FSIP2: variants seen among roughly 807,000 people sequenced by gnomAD.
FSIP2 encodes fibrous sheath interacting protein 2, also known as fibrous sheath-interacting protein 2.
In FSIP2, 367 loss-of-function variants were observed where a neutral mutation model predicts 510.5. The observed-to-expected ratio is 0.72, with a 90% CI of 0.66 to 0.78. FSIP2 has a LOEUF of 0.78. Ranked by LOEUF, FSIP2 falls within the 30% of genes least tolerant of loss-of-function variation. The pLI is 0.00. For missense variants in FSIP2, 7,594 were observed against 7,901.7 expected (o/e 0.96, Z 1.48); for synonymous variants, 2,601 against 2,732.2 (o/e 0.95, Z 1.50).
Position 185,791,826 on chromosome 2 carries a change from T to A in FSIP2, c.4690T>A (p.Ser1564Thr), listed in dbSNP as rs1397792929. The change falls in exon 16 of 23, where the codon TCT (serine) becomes ACT (threonine). Residue 1564 changes from serine (S) to threonine (T), a missense_variant. Physicochemically the swap from Ser to Thr is moderately conservative, Grantham distance 58. Transcript: ENST00000424728. ...CAAGGCAAAACCTGTTGCTCCTGTG[T>A]CTTCCAAAACACCAAGCACAAAAGA... ...KSKAKPVAPV[S>T]SKTPSTKEMH... is the part of the protein sequence containing the mutation. 2 of 1,533,820 alleles carry A rather than the reference T, an allele frequency of 1.3e-6. No individual in the cohort carries two copies.
Position 185,793,389 on chromosome 2 carries a change from G to A in FSIP2, c.6253G>A (p.Val2085Ile), listed in dbSNP as rs932190705. The change falls in exon 16 of 23, where the codon GTA becomes ATA. Residue 2085 changes from valine (V) to isoleucine (I), a missense_variant. Val to Ile is a conservative substitution (Grantham distance 29). Coordinates refer to ENST00000424728, the MANE Select transcript of FSIP2 (RefSeq NM_173651.4). ...KLLNETKYRKVLQLQIQDTIE... is the reference protein window; with the variant it reads ...KLLNETKYRKILQLQIQDTIE... The stretch of plus-strand genomic sequence containing the variant: ...GCTCAATGAGACCAAATATCGAAAA[G>A]TACTTCAACTTCAAATACAAGATAC... 15 of 1,533,736 alleles carry A rather than the reference G, an allele frequency of 9.8e-6. No individual in the cohort carries two copies. The highest frequency in any genetic ancestry group is 1.4e-5 in the African/African-American group (1 of 72,816).
At position 185,813,852 on chromosome 2, in the gene FSIP2, T is replaced by A. The variant is rs1401509028; in HGVS notation, c.20135T>A (p.Phe6712Tyr). 4 of 1,613,528 alleles carry A rather than the reference T, an allele frequency of 2.5e-6. No individual in the cohort carries two copies. The highest frequency in any genetic ancestry group is 2.5e-6 in the Non-Finnish European group (3 of 1,179,790). Residue 6712 changes from phenylalanine (F) to tyrosine (Y), a missense_variant, in exon 18 of 23, where the codon TTT becomes TAT. Phe to Tyr is a conservative substitution (Grantham distance 22). Coordinates refer to ENST00000424728, the MANE Select transcript of FSIP2 (RefSeq NM_173651.4). The part of the protein sequence containing the change: ...STLSTSSLKK[F>Y]LSLSKCCQTT... ...CTAAGCACGAGCAGCCTGAAAAAAT[T>A]TTTGTCACTAAGTAAATGTTGTCAG...
At chr2:185,827,785 G>A (rs1280837758) in intron 20 of FSIP2, among the ~76,000 whole-genome samples, 1 of 151,852 alleles carries the variant, frequency 6.6e-6, no homozygotes, top group African/African-American at 2.4e-5. Context: ...AGAGCTGGAA[G>A]GGCTATTAAG....
In FSIP2 at chr2:185,794,834, A is replaced by G. The variant is rs1286199480; in HGVS notation, c.7698A>G (p.Thr2566=). The part of the protein sequence containing the change: ...TSLYENNKSR[T]EVEISDHNDS... Reference sequence around the variant, plus strand: ...TATATGAAAATAATAAAAGTAGGACAGAAGTTGAAATATCTGACCACAATG... The same window carrying G: ...TATATGAAAATAATAAAAGTAGGACGGAAGTTGAAATATCTGACCACAATG... Residue 2566 remains threonine (T), a synonymous_variant, in exon 16 of 23, where the codon ACA becomes ACG. Transcript: ENST00000424728. 6.5e-7 allele frequency: 1 copy of G among 1,532,348 alleles called. No individual in the cohort carries two copies. Among genetic ancestry groups the G allele is most frequent in the South Asian group, 1.2e-5 (1 of 83,688 alleles). 94.9% of individuals were successfully genotyped at this position (1,532,348 alleles called of 1,614,324 possible).
Position 185,804,242 on chromosome 2 carries a change from T to C in FSIP2, c.14936T>C (p.Leu4979Pro). The C allele has an allele frequency of 1.3e-6, 2 of 1,528,632 alleles. No homozygotes were observed. Among genetic ancestry groups the C allele is most frequent in the Non-Finnish European group, 8.7e-7 (1 of 1,143,282 alleles). 94.7% of individuals were successfully genotyped at this position (1,528,632 alleles called of 1,614,324 possible). The change falls in exon 17 of 23, where the codon CTG becomes CCG. Residue 4979 changes from leucine (L) to proline (P), a missense_variant. Coordinates refer to ENST00000424728, the MANE Select transcript of FSIP2 (RefSeq NM_173651.4). ...ACTGAAAATCCAGATAGAGTGAAAC[T>C]GAAACTTACCAGGATTGTTACAACA... is the stretch of plus-strand genomic sequence containing the variant. ...LVTENPDRVK[L>P]KLTRIVTTLV...
chr2:185,804,336 T>A lies in FSIP2; in HGVS notation c.15030T>A (p.Asn5010Lys). ...EILVADNFDK[N>K]LCFSERYKEM... Reference sequence around the variant, plus strand: ...TAGTTGCAGATAACTTTGATAAAAATTTGTGTTTCTCAGAAAGATACAAAG... The same window carrying A: ...TAGTTGCAGATAACTTTGATAAAAAATTGTGTTTCTCAGAAAGATACAAAG... The change falls in exon 17 of 23, where the codon AAT (asparagine) becomes AAA (lysine). Residue 5010 changes from asparagine (N) to lysine (K), a missense_variant. Coordinates refer to ENST00000424728, the MANE Select transcript of FSIP2 (RefSeq NM_173651.4). The A allele has an allele frequency of 6.6e-7, 1 of 1,505,922 alleles. No individual in the cohort carries two copies. Among genetic ancestry groups the A allele is most frequent in the African/African-American group, 1.4e-5 (1 of 71,314 alleles). 93.3% of individuals were successfully genotyped at this position (1,505,922 alleles called of 1,614,324 possible). A position where few individuals can be genotyped will look rare whatever the true frequency, so the allele number is the denominator to read the frequency against.
chr2:185,745,875 T>C (rs1692019975), intron 5 of FSIP2, among the ~76,000 whole-genome samples: 1 of 152,128 alleles, frequency 6.6e-6, no homozygotes, highest in Non-Finnish European at 1.5e-5. Flanking sequence ...CTTTTTAAGA[T>C]TCATCTTTAA....
In FSIP2 at chr2:185,795,719, A is replaced by T. The variant is rs1019258273; in HGVS notation, c.8583A>T (p.Ile2861=). ...ATGAAAAATGTAAGCTATTGATGATAGCTGAAAATGTTTTGACTGAAATTT... is the reference window on the plus strand; with the variant it reads ...ATGAAAAATGTAAGCTATTGATGATTGCTGAAAATGTTTTGACTGAAATTT... ...KENEKCKLLM[I]AENVLTEISI... is the part of the protein sequence containing the mutation. Residue 2861 remains isoleucine, a synonymous_variant, in exon 16 of 23, where the codon ATA becomes ATT. Coordinates refer to ENST00000424728, the MANE Select transcript of FSIP2 (RefSeq NM_173651.4). 6 of 1,532,720 alleles carry T rather than the reference A, an allele frequency of 3.9e-6. No homozygotes were observed. Among genetic ancestry groups the T allele is most frequent in the Non-Finnish European group, 5.2e-6 (6 of 1,145,102 alleles). 94.9% of individuals were successfully genotyped at this position (1,532,720 alleles called of 1,614,324 possible).
At position 185,806,143 on chromosome 2, in the gene FSIP2, G is replaced by C; in HGVS notation, c.16837G>C (p.Asp5613His). 6.3e-7 allele frequency: 1 copy of C among 1,576,092 alleles called. No individual in the cohort carries two copies. The highest frequency in any genetic ancestry group is 8.6e-7 in the Non-Finnish European group (1 of 1,167,916). The stretch of plus-strand genomic sequence containing the variant: ...TGAAATAGGCTATAAAAAGAAGATT[G>C]ACAATGCAAGGGAAAGCTCATTTAA... ...DSEIGYKKKIDNARESSFKKD... is the reference protein window; with the variant it reads ...DSEIGYKKKIHNARESSFKKD... Residue 5613 changes from aspartate (D) to histidine (H), a missense_variant, in exon 17 of 23, where the codon GAC becomes CAC. Coordinates refer to ENST00000424728, the MANE Select transcript of FSIP2 (RefSeq NM_173651.4).
In FSIP2 at chr2:185,802,722, G is replaced by A. The variant is rs1693469167; in HGVS notation, c.13416G>A (p.Met4472Ile). 2 of 1,522,216 alleles carry A rather than the reference G, an allele frequency of 1.3e-6. No individual in the cohort carries two copies. The highest frequency in any genetic ancestry group is 1.4e-5 in the African/African-American group (1 of 72,324). The allele number at this position is 1,522,216 out of a possible 1,614,324, so 94.3% of individuals were successfully genotyped here. Reference sequence around the variant, plus strand: ...TGCCATACACATTTTTAGAAGATATGATCAGAGTACTATTATCTAAATTAT... The same window carrying A: ...TGCCATACACATTTTTAGAAGATATAATCAGAGTACTATTATCTAAATTAT... ...TLLPYTFLEDMIRVLLSKLFS... is the reference protein window; with the variant it reads ...TLLPYTFLEDIIRVLLSKLFS... The change falls in exon 17 of 23, where the codon ATG becomes ATA. Residue 4472 changes from methionine (M) to isoleucine (I), a missense_variant. Met to Ile is a conservative substitution (Grantham distance 10, BLOSUM62 1). Transcript: ENST00000424728.
In FSIP2 at chr2:185,795,580, A is replaced by G; in HGVS notation, c.8444A>G (p.Gln2815Arg). The G allele has an allele frequency of 4.6e-6, 7 of 1,535,070 alleles. No individual in the cohort carries two copies. The highest frequency in any genetic ancestry group is 6.1e-6 in the Non-Finnish European group (7 of 1,146,096). ...NIGTGSLPKQ[Q>R]ACFYLENVSS... The stretch of plus-strand genomic sequence containing the variant: ...GGCACAGGATCCCTTCCTAAACAAC[A>G]AGCATGTTTTTACTTGGAGAATGTT... The change falls in exon 16 of 23, where the codon CAA becomes CGA. Residue 2815 changes from glutamine to arginine, a missense_variant. Gln to Arg is a conservative substitution (Grantham distance 43). Coordinates refer to ENST00000424728, the MANE Select transcript of FSIP2 (RefSeq NM_173651.4).
chr2:185,748,342 A>G (rs1215495758), intron 7 of FSIP2, among the ~76,000 whole-genome samples: 1 of 150,876 alleles, frequency 6.6e-6, no homozygotes, highest in East Asian at 2.0e-4. Flanking sequence ...GGTTTTTGCT[A>G]TGTTGCCCAG....
At chr2:185,819,124 G>C (rs1204693097) in intron 19 of FSIP2, among the ~76,000 whole-genome samples, 1 of 151,786 alleles carries the variant, frequency 6.6e-6, no homozygotes, top group Non-Finnish European at 1.5e-5. Flanking sequence ...ATGCAGTTAA[G>C]TTTACTTGGT....
chr2:185,786,435 G>A, intron 15 of FSIP2, 147 bp downstream of exon 15: 1 of 599,044 alleles, frequency 1.7e-6, no homozygotes, highest in Non-Finnish European at 2.9e-6. Flanking sequence ...CTTCATTGAA[G>A]TCTACTTTCA....
chr2:185,792,504 C>G lies in FSIP2; in HGVS notation c.5368C>G (p.Gln1790Glu). Reference protein sequence around the residue: ...IIRNILNEIFQSTLINQLNVL... With the variant: ...IIRNILNEIFESTLINQLNVL... ...AAGAAATATTTTGAATGAAATTTTTCAAAGTACTTTAATCAATCAATTAAA... is the reference window on the plus strand; with the variant it reads ...AAGAAATATTTTGAATGAAATTTTTGAAAGTACTTTAATCAATCAATTAAA... Residue 1790 changes from glutamine (Q) to glutamate (E), a missense_variant, in exon 16 of 23, where the codon CAA becomes GAA. Gln to Glu is a conservative substitution (Grantham distance 29). Transcript: ENST00000424728. The G allele has an allele frequency of 6.5e-7, 1 of 1,528,994 alleles. No individual in the cohort carries two copies. The highest frequency in any genetic ancestry group is 8.8e-7 in the Non-Finnish European group (1 of 1,141,546). The allele number at this position is 1,528,994 out of a possible 1,614,324, so 94.7% of individuals were successfully genotyped here.
chr2:185,772,955 G>C (rs1444948756), intron 13 of FSIP2, among the ~76,000 whole-genome samples: 3 of 151,904 alleles, frequency 2.0e-5, no homozygotes, highest in African/African-American at 7.3e-5. Flanking sequence ...CCACATCCTA[G>C]GCTCAAGCCA....
chr2:185,762,452 A>G (rs1447307379), intron 11 of FSIP2, among the ~76,000 whole-genome samples: 2 of 151,416 alleles, frequency 1.3e-5, no homozygotes, highest in Non-Finnish European at 3.0e-5. Flanking sequence ...GCAAGTCACT[A>G]AAAATACTCA....
intron 14 of FSIP2, among the ~76,000 whole-genome samples, chr2:185,785,153 G>A (rs1187092096): frequency 1.3e-5 from 2 of 152,054 alleles, no homozygotes; most frequent in Non-Finnish European, 2.9e-5. Flanking sequence ...GCATTAGGTT[G>A]CAGAATATCT....
intron 4 of FSIP2, 137 bp from the exon 5 acceptor site, chr2:185,745,292 T>C: frequency 2.1e-6 from 1 of 484,502 alleles, no homozygotes; most frequent in South Asian, 6.2e-5. Context: ...CTTGTCTGTG[T>C]CTTTAATGGA....
Sources: allele counts gnomAD v4.1 joint callset (sites outside exome capture counted in the v4.1 genomes callset), GRCh38; gene constraint gnomAD v4.1.1; transcripts MANE v1.5; gene names NCBI Gene and HGNC (gene_info 2026-07-23, HGNC 2026-07-21).